The following CTNS variants were observed in gnomAD, a reference collection of about 807,000 sequenced individuals.
The protein encoded by CTNS is cystinosin, lysosomal cystine transporter, also known as cystinosin.
CTNS carries 27 observed loss-of-function variants against 43.7 expected under a neutral mutation model. The observed-to-expected ratio is 0.62, with a 90% confidence interval of 0.46 to 0.85. The LOEUF (loss-of-function observed/expected upper bound fraction) is 0.85. Ranked by LOEUF, CTNS falls within the 40% of genes least tolerant of loss-of-function variation. The pLI, the probability that CTNS is intolerant of heterozygous loss-of-function variation, is 0.00. For synonymous variants in CTNS, 187 were observed against 190.6 expected, an observed-to-expected ratio of 0.98 and a Z score of 0.16; for missense variants, 457 against 475.4, an observed-to-expected ratio of 0.96 and a Z score of 0.36.
intron 3 of CTNS, among the ~76,000 whole-genome samples, chr17:3,644,374 A>G (rs2075797174): frequency 6.6e-6 from 1 of 152,122 alleles, no homozygotes; most frequent in Non-Finnish European, 1.5e-5. Context: ...GTTGCTGAGC[A>G]CCTCAGTTTT....
chr17:3,646,013 GGCATGCTGGCA>G, intron 3 of CTNS, among the ~76,000 whole-genome samples: 1 of 152,146 alleles, frequency 6.6e-6, no homozygotes, highest in East Asian at 1.9e-4. Flanking sequence ...CGGGGAACCG[GGCATGCTGGCA>G]GCCTCTGCCG....
chr17:3,641,503 T>A (rs1360596516), intron 3 of CTNS, among the ~76,000 whole-genome samples: 1 of 146,754 alleles, frequency 6.8e-6, no homozygotes, highest in African/African-American at 2.5e-5. Flanking sequence ...GCAATTCTCC[T>A]GCCTCAGCCT....
intron 9 of CTNS, chr17:3,657,019 G>A: frequency 1.6e-6 from 1 of 642,642 alleles, no homozygotes; most frequent in Non-Finnish European, 2.7e-6. Context: ...CAGGCTGAGA[G>A]CCGTGCACAG....
At position 3,660,946 on chromosome 17, in the gene CTNS, T is replaced by C. The variant is rs886052869; in HGVS notation, c.*577T>C. 1 of 687,342 alleles carries C rather than the reference T, an allele frequency of 1.5e-6. No individual in the cohort carries two copies. Among genetic ancestry groups the C allele is most frequent in the East Asian group, 2.8e-5 (1 of 35,330 alleles). The allele number at this position is 687,342 out of a possible 1,614,324, so 42.6% of individuals were successfully genotyped here. A position where few individuals can be genotyped will look rare whatever the true frequency, so the allele number is the denominator to read the frequency against. ...CCGTGACTGCAGTAACAGCCAGCCCTACCCAGAGTATTTCTGAGCCATGAG... is the reference window on the plus strand; with the variant it reads ...CCGTGACTGCAGTAACAGCCAGCCCCACCCAGAGTATTTCTGAGCCATGAG... On this transcript the variant is annotated 3_prime_UTR_variant, in exon 12 of 12. Transcript: ENST00000046640.
rs1376761377 is a variant in CTNS, at chr17:3,658,151, C to T, written c.828C>T (p.Val276=). The T allele has an allele frequency of 1.2e-6, 2 of 1,611,958 alleles. No homozygotes were observed. The highest frequency in any genetic ancestry group is 1.7e-6 in the Non-Finnish European group (2 of 1,179,782). ...GCTTCTCCTACATCAAGCTCGCAGT[C>T]ACGCTGGTCAAGTATTTTCCACAGG... The part of the protein sequence containing the change: ...LFCFSYIKLA[V]TLVKYFPQAY... The change falls in exon 10 of 12, where the codon GTC becomes GTT. Residue 276 remains valine, a synonymous_variant. Coordinates refer to ENST00000046640, the MANE Select transcript of CTNS (RefSeq NM_004937.3).
At chr17:3,650,450 C>G in intron 5 of CTNS, 1 of 1,175,732 alleles carries the variant, frequency 8.5e-7, no homozygotes. Context: ...CCACTGCCCT[C>G]CAGCCTGAGT....
chr17:3,653,465 G>A (rs529834976), intron 5 of CTNS, among the ~76,000 whole-genome samples: 73 of 152,268 alleles, frequency 4.8e-4, no homozygotes, highest in Middle Eastern at 3.4e-3. Context: ...AGATCCTCAC[G>A]GTACCTGCAA....
chr17:3,656,717 G>A lies in CTNS; in HGVS notation c.603G>A (p.Val201=), dbSNP rs912410408. ...LLKYPNGVNP[V]NSNDVFFSLH... ...AATACCCCAACGGAGTGAACCCCGT[G>A]AACAGCAACGACGTCTTCTTCAGCC... Residue 201 remains valine (V), a synonymous_variant, in exon 9 of 12, where the codon GTG becomes GTA. Coordinates refer to ENST00000046640, the MANE Select transcript of CTNS (RefSeq NM_004937.3). 1.2e-6 allele frequency: 2 copies of A among 1,613,318 alleles called. No homozygotes were observed. The highest frequency in any genetic ancestry group is 1.3e-5 in the African/African-American group (1 of 74,920).
At chr17:3,660,025 G>A (rs372617761) in intron 11 of CTNS, 50 bp downstream of exon 11, 67 of 1,528,890 alleles carry the variant, frequency 4.4e-5, no homozygotes, top group Admixed American at 3.3e-5. Context: ...GGCATCGGGC[G>A]GGGCCAGCCT....
intron 9 of CTNS, among the ~76,000 whole-genome samples, chr17:3,657,342 G>A (rs2076173615): frequency 3.3e-5 from 5 of 152,190 alleles, no homozygotes; most frequent in Non-Finnish European, 7.4e-5. Flanking sequence ...CTTTGTTGCT[G>A]GAAGCCATGG....
In CTNS at chr17:3,658,020, G is replaced by A. The variant is rs201058200; in HGVS notation, c.697G>A (p.Val233Met). Residue 233 changes from valine (V) to methionine (M), a missense_variant, in exon 10 of 12, where the codon GTG (valine) becomes ATG (methionine). Transcript: ENST00000046640. Reference protein sequence around the residue: ...CCLYERGGQRVSWPAIGFLVL... With the variant: ...CCLYERGGQRMSWPAIGFLVL... ...TCGCCCCCAGCGCGGTGGCCAGCGCGTGTCCTGGCCTGCCATCGGCTTCCT... is the reference window on the plus strand; with the variant it reads ...TCGCCCCCAGCGCGGTGGCCAGCGCATGTCCTGGCCTGCCATCGGCTTCCT... 9.4e-5 allele frequency: 151 copies of A among 1,610,356 alleles called. No individual in the cohort carries two copies. Among genetic ancestry groups the A allele is most frequent in the South Asian group, 5.6e-4 (51 of 91,008 alleles).
rs750693760 is a variant in CTNS at position 3,660,386 on chromosome 17, G to A, written c.*17G>A. 3 of 1,614,162 alleles carry A rather than the reference G, an allele frequency of 1.9e-6. No individual in the cohort carries two copies. Among genetic ancestry groups the A allele is most frequent in the Non-Finnish European group, 2.5e-6 (3 of 1,180,040 alleles). On this transcript the variant is annotated 3_prime_UTR_variant, in exon 12 of 12. Coordinates refer to ENST00000046640, the MANE Select transcript of CTNS (RefSeq NM_004937.3). ...CTGAACTAGCACCCAGGGACCCAGT[G>A]TACCCAGCCTCTGGCCTCGTGCCCT... is the stretch of plus-strand genomic sequence containing the variant.
intron 5 of CTNS, chr17:3,650,315 T>C (rs765840905): frequency 2.5e-5 from 38 of 1,548,918 alleles, no homozygotes; most frequent in Non-Finnish European, 3.1e-5. Context: ...TGGGAACCTG[T>C]GATCTGAAAA....
intron 3 of CTNS, among the ~76,000 whole-genome samples, 174 bp from the exon 4 acceptor site, chr17:3,647,270 C>T (rs2075865084): frequency 6.6e-6 from 1 of 152,318 alleles, no homozygotes; most frequent in Non-Finnish European, 1.5e-5. Context: ...CTGTCTCTGG[C>T]AGCAGGTGGG....
At position 3,642,840 on chromosome 17, in the gene CTNS, C is replaced by T. The variant is rs1306215225; in HGVS notation, c.61+2573C>T. 2.6e-5 allele frequency among the ~76,000 whole-genome samples: 4 copies of T among 152,164 alleles called. No individual in the cohort carries two copies. The East Asian group carries it at 5.8e-4, about 22-fold the overall frequency. ...ACAGATGAGATGATTGGCCTTCAGA[C>T]TTGTCTGTCTCTGACTTCTCTGGGT... On this transcript the variant is annotated intron_variant, in intron 3 of 11. Coordinates refer to ENST00000046640, the MANE Select transcript of CTNS (RefSeq NM_004937.3).
At chr17:3,637,843 CA>C (rs1417086764) in intron 2 of CTNS, among the ~76,000 whole-genome samples, 2 of 150,204 alleles carry the variant, frequency 1.3e-5, no homozygotes, top group East Asian at 3.9e-4. Context: ...AGGTAGTTAC[CA>C]CCTCCTTGTT....
chr17:3,640,555 G>A (rs1191877823), intron 3 of CTNS, among the ~76,000 whole-genome samples: 1 of 152,238 alleles, frequency 6.6e-6, no homozygotes, highest in Non-Finnish European at 1.5e-5. Context: ...CTATGCAGCT[G>A]ATTCTCAAAG....
At chr17:3,655,666 C>T (rs904077729) in intron 7 of CTNS, 7 of 405,930 alleles carry the variant, frequency 1.7e-5, no homozygotes, top group South Asian at 4.3e-5. Context: ...TGGGTCCATC[C>T]GACCCTGGAG....
intron 3 of CTNS, among the ~76,000 whole-genome samples, chr17:3,641,217 C>G (rs940003435): frequency 6.6e-6 from 1 of 151,602 alleles, no homozygotes; most frequent in Non-Finnish European, 1.5e-5. Flanking sequence ...CTTTGAGGCC[C>G]GTGCCCTTCT....
Sources: gnomAD v4.1 joint callset for allele counts (sites outside exome capture counted in the v4.1 genomes callset) on GRCh38, gnomAD v4.1.1 for gene constraint, MANE v1.5 for transcripts, NCBI Gene and HGNC (gene_info 2026-07-23, HGNC 2026-07-21) for gene names.